MACROD2: variants seen among roughly 807,000 people sequenced by gnomAD.
MACROD2 encodes the protein ADP-ribose glycohydrolase MACROD2.
Under a neutral mutation model 70.4 loss-of-function variants are expected in MACROD2, and 36 were observed. The ratio of observed to expected loss-of-function variants is 0.51; its 90% CI spans 0.39 to 0.68. The LOEUF (loss-of-function observed/expected upper bound fraction) is 0.68. Among genes scored for constraint, MACROD2 ranks in the 30% least tolerant of loss-of-function variants. The pLI is 0.00. For synonymous variants in MACROD2, 172 were observed against 178.8 expected (o/e 0.96, Z 0.30); for missense variants, 496 against 538.4 (o/e 0.92, Z 0.78).
chr20:14,233,711 AAAG>A (rs1394157531), intron 3 of MACROD2, among the ~76,000 whole-genome samples: 4 of 143,116 alleles, frequency 2.8e-5, no homozygotes, highest in South Asian at 4.4e-4. Flanking sequence ...AAAAAAAAAA[AAAG>A]AAAAGAAAAG....
chr20:14,477,218 G>A (rs1041819325), intron 3 of MACROD2, among the ~76,000 whole-genome samples: 1 of 152,086 alleles, frequency 6.6e-6, no homozygotes, highest in African/African-American at 2.4e-5. Flanking sequence ...AAAACAGGAA[G>A]CTTCAAGATT....
At chr20:15,280,586 C>A (rs986389593) in intron 6 of MACROD2, among the ~76,000 whole-genome samples, 1 of 152,142 alleles carries the variant, frequency 6.6e-6, no homozygotes, top group Non-Finnish European at 1.5e-5. Context: ...AAGGCTGCTA[C>A]GTGTACCAGC....
chr20:14,895,768 TA>T (rs2073820727), intron 5 of MACROD2, among the ~76,000 whole-genome samples: 1 of 152,130 alleles, frequency 6.6e-6, no homozygotes, highest in Non-Finnish European at 1.5e-5. Context: ...GGGTAGTGAT[TA>T]ACTTATTATC....
intron 5 of MACROD2, among the ~76,000 whole-genome samples, chr20:14,740,646 G>A (rs372354471): frequency 6.6e-6 from 1 of 152,062 alleles, no homozygotes; most frequent in East Asian, 1.9e-4. Flanking sequence ...TATCTTAAAA[G>A]CTGCTTATCT....
chr20:16,038,707 T>A (rs549694266), intron 15 of MACROD2, among the ~76,000 whole-genome samples: 2 of 152,090 alleles, frequency 1.3e-5, no homozygotes, highest in African/African-American at 4.8e-5. Flanking sequence ...CCATATGTCA[T>A]CTCTTTTATT....
intron 5 of MACROD2, among the ~76,000 whole-genome samples, chr20:15,102,341 GA>G (rs1284911154): frequency 6.6e-6 from 1 of 151,996 alleles, no homozygotes; most frequent in Admixed American, 6.6e-5. Flanking sequence ...TGTCCCTGGA[GA>G]AAGTTTAACT....
chr20:15,674,388 G>C (rs904872999), intron 8 of MACROD2, among the ~76,000 whole-genome samples: 2 of 152,116 alleles, frequency 1.3e-5, no homozygotes, highest in African/African-American at 4.8e-5. Context: ...CAGTGCGACA[G>C]GGAGCAGCAG....
chr20:15,867,645 A>T lies in MACROD2; in HGVS notation c.727+4819A>T, dbSNP rs181147717. Among the ~76,000 whole-genome samples, 29 of 152,286 alleles carry T rather than the reference A, an allele frequency of 1.9e-4. No homozygotes were observed. The East Asian group carries it at 3.9e-3, about 20-fold the overall frequency. Reference sequence around the variant, plus strand: ...CAGTTTTCACTAGACGTAAAAAATTAAAAAAAGAAAAGAAAAGACAATTCC... The same window carrying T: ...CAGTTTTCACTAGACGTAAAAAATTTAAAAAAGAAAAGAAAAGACAATTCC... On this transcript the variant is annotated intron_variant, in intron 9 of 17. Transcript: ENST00000684519.
At position 14,452,203 on chromosome 20, in the gene MACROD2, TAAG is replaced by T. The variant is rs141784893; in HGVS notation, c.272-41273_272-41271del. ...CCCTATTTTTCATTTATATGTTTAT[TAAG>T]AAATTAATTTTTTTCTTTATTCTAA... On this transcript the variant is annotated intron_variant, in intron 3 of 17. Transcript: ENST00000684519. 1.1e-3 allele frequency among the ~76,000 whole-genome samples: 165 copies of T among 152,242 alleles called. 2 individuals carry two copies. The highest frequency in any genetic ancestry group is 3.9e-3 in the African/African-American group (161 of 41,504).
intron 3 of MACROD2, among the ~76,000 whole-genome samples, chr20:14,314,619 G>T (rs1006431127): frequency 2.0e-5 from 3 of 152,146 alleles, no homozygotes; most frequent in Admixed American, 2.0e-4. Context: ...AAATAGCTGG[G>T]CAAGGTGGTG....
chr20:14,731,005 A>G (rs1056884186), intron 5 of MACROD2, among the ~76,000 whole-genome samples: 1 of 112,004 alleles, frequency 8.9e-6, no homozygotes, highest in African/African-American at 2.9e-5. Flanking sequence ...ACACACACAC[A>G]CACATGCACA....
chr20:15,504,529 T>C (rs1375372837), intron 8 of MACROD2, among the ~76,000 whole-genome samples: 2 of 152,136 alleles, frequency 1.3e-5, no homozygotes, highest in South Asian at 2.1e-4. Flanking sequence ...GAAGATCAGA[T>C]AGATGAATTA....
chr20:14,515,597 G>T (rs1235175676), intron 4 of MACROD2, among the ~76,000 whole-genome samples: 3 of 151,808 alleles, frequency 2.0e-5, no homozygotes, highest in African/African-American at 7.3e-5. Flanking sequence ...AATGAAATAA[G>T]CCAGGCACAG....
chr20:15,763,688 AAAC>A (rs2051475444), intron 8 of MACROD2, among the ~76,000 whole-genome samples: 2 of 152,104 alleles, frequency 1.3e-5, no homozygotes, highest in Admixed American at 1.3e-4. Flanking sequence ...CTTAAAAAAA[AAAC>A]ACAGATTTTT....
chr20:16,031,585 G>A lies in MACROD2; in HGVS notation c.1154-9616G>A, dbSNP rs555737658. 3.3e-5 allele frequency among the ~76,000 whole-genome samples: 5 copies of A among 152,250 alleles called. No homozygotes were observed. In the East Asian group the frequency reaches 9.6e-4, roughly 29 times the overall value. On this transcript the variant is annotated intron_variant, in intron 15 of 17. Coordinates refer to ENST00000684519, the MANE Select transcript of MACROD2 (RefSeq NM_001351661.2). ...AGAAACACATCAGAAGTCCACTGAT[G>A]TGGGCCTGGATAAAGAAATTATGAT...
At chr20:14,917,073 G>A (rs778886395) in intron 5 of MACROD2, among the ~76,000 whole-genome samples, 4 of 151,204 alleles carry the variant, frequency 2.6e-5, no homozygotes, top group East Asian at 3.9e-4. Context: ...TTTCTTCCTC[G>A]GGGTGGAGTG....
At chr20:14,128,180 C>G (rs986749431) in intron 3 of MACROD2, 21 of 406,734 alleles carry the variant, frequency 5.2e-5, no homozygotes, top group Non-Finnish European at 8.6e-5. Context: ...CCTGGAGAGC[C>G]CAACAAGGAA....
chr20:14,809,298 T>C (rs57664955), intron 5 of MACROD2, among the ~76,000 whole-genome samples: 13,911 of 151,956 alleles, frequency 0.092, 1,087 homozygotes, highest in African/African-American at 0.21. Flanking sequence ...AACCACACAA[T>C]TACATGGAAA....
At chr20:14,029,640 G>A (rs2053222440) in intron 2 of MACROD2, among the ~76,000 whole-genome samples, 1 of 152,166 alleles carries the variant, frequency 6.6e-6, no homozygotes. Flanking sequence ...GACTCTGACA[G>A]TGAATTTGCT....
Sources: gnomAD v4.1 joint callset for allele counts (sites outside exome capture counted in the v4.1 genomes callset) on GRCh38, gnomAD v4.1.1 for gene constraint, MANE v1.5 for transcripts, NCBI Gene and HGNC (gene_info 2026-07-23, HGNC 2026-07-21) for gene names.